The following GAB1 variants were observed in gnomAD, a reference collection of about 807,000 sequenced individuals.
GAB1 encodes GRB2-associated-binding protein 1.
In GAB1, 19 loss-of-function variants were observed where a neutral mutation model predicts 66.5. That is an observed-to-expected ratio of 0.29 (90% confidence interval 0.20 to 0.42). The LOEUF is 0.42. Ranked by LOEUF, GAB1 falls within the 10% of genes least tolerant of loss-of-function variation. The pLI is 1.00. For missense variants in GAB1, 732 were observed against 858.5 expected (o/e 0.85, Z 1.84); for synonymous variants, 294 against 301.4 (o/e 0.98, Z 0.25).
chr4:143,346,825 A>G (rs1729007054), intron 1 of GAB1, among the ~76,000 whole-genome samples: 1 of 152,356 alleles, frequency 6.6e-6, no homozygotes, highest in South Asian at 2.1e-4. Context: ...GTTCCTAGTG[A>G]TGCTGTTACA....
chr4:143,416,344 C>T (rs1732686478), intron 2 of GAB1, among the ~76,000 whole-genome samples: 1 of 151,934 alleles, frequency 6.6e-6, no homozygotes, highest in Non-Finnish European at 1.5e-5. Flanking sequence ...AGAGGTGGAG[C>T]TTACAGTGAG....
At chr4:143,377,499 G>A (rs778307819) in intron 1 of GAB1, among the ~76,000 whole-genome samples, 6 of 152,190 alleles carry the variant, frequency 3.9e-5, no homozygotes, top group East Asian at 3.8e-4. Context: ...GCAGGGAGAC[G>A]TTTTTCTCAG....
intron 1 of GAB1, among the ~76,000 whole-genome samples, chr4:143,411,888 GT>G (rs1311652358): frequency 2.6e-5 from 4 of 152,130 alleles, no homozygotes; most frequent in Non-Finnish European, 5.9e-5. Context: ...TTCAATGAGG[GT>G]GACTCATTTT....
rs115747738 is a variant in GAB1 at position 143,352,816 on chromosome 4, C to A, written c.72+15556C>A. On this transcript the variant is annotated intron_variant, in intron 1 of 9. Transcript: ENST00000262994. ...GCAAGAACCAAAACTGAGAGAGTAA[C>A]TTTAACCTCTCTTCTGTGAGATGAA... is the stretch of plus-strand genomic sequence containing the variant. Among the ~76,000 whole-genome samples, 336 of 152,268 alleles carry A rather than the reference C, an allele frequency of 2.2e-3. 2 individuals carry two copies. Among genetic ancestry groups the A allele is most frequent in the African/African-American group, 7.7e-3 (321 of 41,552 alleles).
chr4:143,418,018 G>C (rs146217247), intron 2 of GAB1, among the ~76,000 whole-genome samples: 29 of 152,312 alleles, frequency 1.9e-4, no homozygotes, highest in African/African-American at 7.0e-4. Flanking sequence ...TCAGGCCAGC[G>C]TGCCGCTTCC....
At chr4:143,365,288 T>G (rs1729836850) in intron 1 of GAB1, among the ~76,000 whole-genome samples, 1 of 152,150 alleles carries the variant, frequency 6.6e-6, no homozygotes, top group Non-Finnish European at 1.5e-5. Context: ...CTAATATTCT[T>G]TTCTCTTCAT....
chr4:143,459,254 T>C, intron 6 of GAB1, 131 bp from the exon 7 acceptor site: 2 of 651,078 alleles, frequency 3.1e-6, no homozygotes, highest in Non-Finnish European at 5.5e-6. Context: ...TGGACCTCAT[T>C]TCACATGTGA....
intron 2 of GAB1, among the ~76,000 whole-genome samples, chr4:143,420,399 C>T (rs930089566): frequency 1.3e-5 from 2 of 152,036 alleles, no homozygotes; most frequent in Admixed American, 6.6e-5. Context: ...TGTTTTGATT[C>T]CAGGAACCTC....
chr4:143,455,569 C>T (rs1735142662), intron 6 of GAB1, among the ~76,000 whole-genome samples: 1 of 152,126 alleles, frequency 6.6e-6, no homozygotes, highest in Non-Finnish European at 1.5e-5. Flanking sequence ...ATCTCACATA[C>T]TAGGTCAAGA....
intron 1 of GAB1, among the ~76,000 whole-genome samples, chr4:143,352,474 A>G (rs1258839433): frequency 6.6e-6 from 1 of 152,238 alleles, no homozygotes; most frequent in Admixed American, 6.5e-5. Flanking sequence ...ATCTTAAGAT[A>G]CTTATAGCTT....
chr4:143,454,855 C>T (rs1049700044), intron 6 of GAB1, among the ~76,000 whole-genome samples: 2 of 152,124 alleles, frequency 1.3e-5, no homozygotes, highest in African/African-American at 4.8e-5. Context: ...AATCATTCTC[C>T]TAGCTAGAGA....
At chr4:143,408,935 A>G (rs1732212185) in intron 1 of GAB1, among the ~76,000 whole-genome samples, 1 of 152,214 alleles carries the variant, frequency 6.6e-6, no homozygotes, top group African/African-American at 2.4e-5. Context: ...TTCCTGGTAG[A>G]AGGGAAGTTG....
intron 6 of GAB1, among the ~76,000 whole-genome samples, chr4:143,446,719 G>A (rs974966575): frequency 2.6e-4 from 40 of 152,162 alleles, no homozygotes; most frequent in African/African-American, 8.7e-4. Context: ...AGTAGGTTGC[G>A]AAAATTTTCT....
intron 1 of GAB1, among the ~76,000 whole-genome samples, chr4:143,366,917 C>T (rs775422041): frequency 6.6e-6 from 1 of 151,976 alleles, no homozygotes; most frequent in Non-Finnish European, 1.5e-5. Flanking sequence ...TCATGTCTTT[C>T]GTGGTTGGGT....
At chr4:143,465,691 T>C (rs1025486784) in intron 8 of GAB1, among the ~76,000 whole-genome samples, 1 of 152,186 alleles carries the variant, frequency 6.6e-6, no homozygotes, top group Non-Finnish European at 1.5e-5. Flanking sequence ...CAAAATACAC[T>C]TAGCCAATGG....
At chr4:143,371,618 C>T (rs1235554644) in intron 1 of GAB1, among the ~76,000 whole-genome samples, 1 of 152,002 alleles carries the variant, frequency 6.6e-6, no homozygotes, top group Non-Finnish European at 1.5e-5. Context: ...TCTTGAAGTC[C>T]TTGCCCATGC....
At position 143,440,352 on chromosome 4, in the gene GAB1, G is replaced by A. The variant is rs142503023; in HGVS notation, c.1555G>A (p.Val519Met). 2 of 1,613,154 alleles carry A rather than the reference G, an allele frequency of 1.2e-6. No individual in the cohort carries two copies. Among genetic ancestry groups the A allele is most frequent in the Non-Finnish European group, 1.7e-6 (2 of 1,179,512 alleles). The change falls in exon 6 of 10, where the codon GTG (valine) becomes ATG (methionine). Residue 519 changes from valine (V) to methionine (M), a missense_variant. Val to Met is a conservative substitution (Grantham distance 21, BLOSUM62 1). Coordinates refer to ENST00000262994, the MANE Select transcript of GAB1 (RefSeq NM_002039.4). ...VPVADCEPPP[V>M]DRNLKPDRKV... ...TGTTGCAGACTGTGAACCACCCCCC[G>A]TGGATAGGAACCTCAAGCCAGACAG...
In GAB1 at chr4:143,438,185, C is replaced by G. The variant is rs141924622; in HGVS notation, c.780C>G (p.Asn260Lys). 1 of 1,614,014 alleles carries G rather than the reference C, an allele frequency of 6.2e-7. No individual in the cohort carries two copies. The highest frequency in any genetic ancestry group is 1.7e-5 in the Admixed American group (1 of 59,978). Residue 260 changes from asparagine to lysine, a missense_variant, in exon 4 of 10, where the codon AAC becomes AAG. Around this residue, in one of 4 missense-constraint regions of GAB1, gnomAD observed 427 missense variants for 420.6 expected, o/e 1.02. Coordinates refer to ENST00000262994, the MANE Select transcript of GAB1 (RefSeq NM_002039.4). ...PSASVDSSLY[N>K]LPRSYSHDVL... Reference sequence around the variant, plus strand: ...CTTCAGTTGACTCCAGCCTTTATAACCTGCCCAGGAGTTATTCCCATGATG... The same window carrying G: ...CTTCAGTTGACTCCAGCCTTTATAAGCTGCCCAGGAGTTATTCCCATGATG...
At chr4:143,414,040 C>A (rs1320156500) in intron 1 of GAB1, among the ~76,000 whole-genome samples, 1 of 151,924 alleles carries the variant, frequency 6.6e-6, no homozygotes, top group African/African-American at 2.4e-5. Flanking sequence ...CCAGGCTGGT[C>A]TCGAACTCCT....
Sources: allele counts gnomAD v4.1 joint callset (sites outside exome capture counted in the v4.1 genomes callset), GRCh38; gene constraint gnomAD v4.1.1; regional missense constraint gnomAD v4.1.1; transcripts MANE v1.5; gene names NCBI Gene and HGNC (gene_info 2026-07-23, HGNC 2026-07-21).